The following PIK3CA variants were observed in gnomAD, a reference collection of about 807,000 sequenced individuals.
The protein encoded by PIK3CA is phosphatidylinositol 4,5-bisphosphate 3-kinase catalytic subunit alpha isoform.
PIK3CA carries 27 observed loss-of-function variants against 138.2 expected under a neutral mutation model. The ratio of observed to expected loss-of-function variants is 0.20; its 90% CI spans 0.14 to 0.27. The LOEUF is 0.27. PIK3CA is among the 10% of genes least tolerant of loss of function. PIK3CA has a pLI of 1.00. For missense variants in PIK3CA, 544 were observed against 1,277.4 expected (o/e 0.43, Z 8.75); for synonymous variants, 358 against 413.2 (o/e 0.87, Z 1.62).
chr3:179,237,158 T>C lies in PIK3CA; in HGVS notation c.*2794T>C, dbSNP rs1205393371. ...ATACAAAACCATTTATTTTGAAGAT[T>C]TTTAGACTACTGTTAATTTGAAATC... is the stretch of plus-strand genomic sequence containing the variant. On this transcript the variant is annotated 3_prime_UTR_variant, in exon 21 of 21. Transcript: ENST00000263967. 1 of 196,038 alleles carries C rather than the reference T, an allele frequency of 5.1e-6. No individual in the cohort carries two copies. The highest frequency in any genetic ancestry group is 2.3e-5 in the African/African-American group (1 of 43,310). The allele number at this position is 196,038 out of a possible 1,614,324, so 12.1% of individuals were successfully genotyped here. A position where few individuals can be genotyped will look rare whatever the true frequency, so the allele number is the denominator to read the frequency against.
At chr3:179,216,174 C>A (rs568544669) in intron 9 of PIK3CA, among the ~76,000 whole-genome samples, 1 of 152,266 alleles carries the variant, frequency 6.6e-6, no homozygotes, top group African/African-American at 2.4e-5. Flanking sequence ...TCTCAGTTAT[C>A]TTAAGTCTTC....
At chr3:179,177,845 GAC>G (rs1379937626) in intron 1 of PIK3CA, among the ~76,000 whole-genome samples, 16 of 151,976 alleles carry the variant, frequency 1.1e-4, no homozygotes, top group Non-Finnish European at 2.2e-4. Flanking sequence ...CTCATCAAAA[GAC>G]AGCATTAAGA....
At chr3:179,203,131 G>A (rs1269795785) in intron 4 of PIK3CA, among the ~76,000 whole-genome samples, 6 of 151,646 alleles carry the variant, frequency 4.0e-5, no homozygotes, top group Middle Eastern at 6.8e-3. Context: ...TAGTAGAGAC[G>A]GGGTTTCACC....
intron 1 of PIK3CA, among the ~76,000 whole-genome samples, chr3:179,159,071 A>G (rs1245387497): frequency 2.0e-5 from 3 of 152,168 alleles, no homozygotes; most frequent in Non-Finnish European, 4.4e-5. Flanking sequence ...AAAACTACAT[A>G]TGTTGTTGTT....
In PIK3CA at chr3:179,224,110, G is replaced by T. The variant is rs1408408816; in HGVS notation, c.2217G>T (p.Met739Ile). The T allele has an allele frequency of 1.2e-6, 2 of 1,606,662 alleles. No individual in the cohort carries two copies. The highest frequency in any genetic ancestry group is 1.7e-6 in the Non-Finnish European group (2 of 1,174,384). ...AGATGAAGTTTTTAGTTGAGCAAATGAGGCGACCAGATTTCATGGATGCTC... is the reference window on the plus strand; with the variant it reads ...AGATGAAGTTTTTAGTTGAGCAAATTAGGCGACCAGATTTCATGGATGCTC... ...KVQMKFLVEQ[M>I]RRPDFMDALQ... is the part of the protein sequence containing the mutation. Residue 739 changes from methionine to isoleucine, a missense_variant, in exon 15 of 21, where the codon ATG becomes ATT. By Grantham distance (10) the Met-to-Ile change is conservative. This residue lies in a region of PIK3CA where 35 missense variants were observed against 49.4 expected (regional missense o/e 0.71). Coordinates refer to ENST00000263967, the MANE Select transcript of PIK3CA (RefSeq NM_006218.4).
chr3:179,178,261 CAAAA>C (rs60887179), intron 1 of PIK3CA, among the ~76,000 whole-genome samples: 7 of 79,886 alleles, frequency 8.8e-5, no homozygotes, highest in South Asian at 3.9e-4. Flanking sequence ...CTCTAAAGAT[CAAAA>C]AAAAAAAAAA....
intron 14 of PIK3CA, among the ~76,000 whole-genome samples, chr3:179,223,692 T>C (rs1010759771): frequency 2.0e-5 from 3 of 152,186 alleles, no homozygotes; most frequent in Admixed American, 1.3e-4. Context: ...GTGGTCTCTG[T>C]CTTAACTATT....
At chr3:179,209,551 A>C (rs1724655154) in intron 6 of PIK3CA, 44 bp from the exon 7 acceptor site, 1 of 1,181,112 alleles carries the variant, frequency 8.5e-7, no homozygotes, top group Non-Finnish European at 1.2e-6. Context: ...ACTTTGATGA[A>C]GACTTTTCTT....
At chr3:179,195,858 C>T (rs1724254030) in intron 1 of PIK3CA, among the ~76,000 whole-genome samples, 5 of 152,166 alleles carry the variant, frequency 3.3e-5, no homozygotes, top group Admixed American at 3.3e-4. Flanking sequence ...GCCACTTCTA[C>T]ACTTTATGTG....
At chr3:179,180,038 A>G (rs1243397151) in intron 1 of PIK3CA, among the ~76,000 whole-genome samples, 1 of 152,210 alleles carries the variant, frequency 6.6e-6, no homozygotes, top group East Asian at 1.9e-4. Context: ...TGGGAAAAAT[A>G]AGAGAAGAGC....
intron 7 of PIK3CA, 29 bp downstream of exon 7, chr3:179,209,729 T>C (rs967302116): frequency 1.5e-6 from 2 of 1,355,218 alleles, no homozygotes; most frequent in Admixed American, 3.6e-5. Context: ...AACAATTATG[T>C]TTACCTTTAA....
chr3:179,194,428 A>G (rs907431012), intron 1 of PIK3CA, among the ~76,000 whole-genome samples: 1 of 152,110 alleles, frequency 6.6e-6, no homozygotes, highest in Non-Finnish European at 1.5e-5. Flanking sequence ...TCTTGAGCCC[A>G]GGCTGGTCTC....
chr3:179,189,551 A>G (rs192403285), intron 1 of PIK3CA, among the ~76,000 whole-genome samples: 2 of 152,184 alleles, frequency 1.3e-5, no homozygotes, highest in South Asian at 2.1e-4. Context: ...CCACATTGCT[A>G]TAAATACTAC....
intron 6 of PIK3CA, among the ~76,000 whole-genome samples, chr3:179,206,698 T>A (rs114289371): frequency 6.6e-6 from 1 of 152,152 alleles, no homozygotes; most frequent in African/African-American, 2.4e-5. Context: ...ATGGATCATT[T>A]GAGCCCAGGA....
At chr3:179,180,752 C>A (rs1404287764) in intron 1 of PIK3CA, among the ~76,000 whole-genome samples, 1 of 152,100 alleles carries the variant, frequency 6.6e-6, no homozygotes, top group Non-Finnish European at 1.5e-5. Flanking sequence ...GCCATAAAAA[C>A]AACAGAGATC....
chr3:179,179,182 C>CTAA (rs368095039), intron 1 of PIK3CA, among the ~76,000 whole-genome samples: 37 of 152,260 alleles, frequency 2.4e-4, no homozygotes, highest in African/African-American at 8.2e-4. Context: ...TAGCATTTTG[C>CTAA]TAAGTATAAC....
Position 179,199,062 on chromosome 3 carries a change from G to A in PIK3CA, c.237G>A (p.Arg79=), listed in dbSNP as rs2108385915. The A allele has an allele frequency of 6.2e-7, 1 of 1,613,628 alleles. No homozygotes were observed. The highest frequency in any genetic ancestry group is 1.3e-5 in the African/African-American group (1 of 74,996). ...TAAGTGTTACTCAAGAAGCAGAAAG[G>A]GAAGAATTTTTTGATGAAACAAGAC... is the stretch of plus-strand genomic sequence containing the variant. ...IFVSVTQEAE[R]EEFFDETRRL... is the part of the protein sequence containing the mutation. The change falls in exon 2 of 21, where the codon AGG becomes AGA. Residue 79 remains arginine (R), a synonymous_variant. Transcript: ENST00000263967.
rs144726049 is a variant in PIK3CA, at chr3:179,231,155, G to T, written c.2936+779G>T. Among the ~76,000 whole-genome samples, 487 of 152,244 alleles carry T rather than the reference G, an allele frequency of 3.2e-3. 3 individuals are homozygous for T. The highest frequency in any genetic ancestry group is 0.011 in the African/African-American group (459 of 41,544). On this transcript the variant is annotated intron_variant, in intron 20 of 20. Coordinates refer to ENST00000263967, the MANE Select transcript of PIK3CA (RefSeq NM_006218.4). Reference sequence around the variant, plus strand: ...CATTATTTCATTCTTTTCTGTGGTGGAGTAGTATTCTGTGGTGTATATGTA... The same window carrying T: ...CATTATTTCATTCTTTTCTGTGGTGTAGTAGTATTCTGTGGTGTATATGTA...
chr3:179,210,631 C>A (rs1576938767), intron 9 of PIK3CA, 66 bp downstream of exon 9: 3 of 1,481,656 alleles, frequency 2.0e-6, no homozygotes, highest in East Asian at 4.6e-5. Flanking sequence ...GATACTTTCT[C>A]TATGGAAAAG....
Sources: gnomAD v4.1 joint callset for allele counts (sites outside exome capture counted in the v4.1 genomes callset) on GRCh38, gnomAD v4.1.1 for gene constraint, gnomAD v4.1.1 regional missense constraint, MANE v1.5 for transcripts, NCBI Gene and HGNC (gene_info 2026-07-23, HGNC 2026-07-21) for gene names.